The following NUDT21 variants were observed in gnomAD, a reference collection of about 807,000 sequenced individuals.
NUDT21 encodes nudix hydrolase 21.
In NUDT21, 5 loss-of-function variants were observed where a neutral mutation model predicts 29.8. The observed-to-expected ratio is 0.17, with a 90% CI of 0.09 to 0.35. The LOEUF (loss-of-function observed/expected upper bound fraction) is 0.35. NUDT21 is among the 10% of genes least tolerant of loss of function. The pLI is 1.00. For missense variants in NUDT21, 76 were observed against 276.0 expected, an observed-to-expected ratio of 0.28 and a Z score of 5.13; for synonymous variants, 113 against 98.5, an observed-to-expected ratio of 1.15 and a Z score of -0.87.
intron 3 of NUDT21, among the ~76,000 whole-genome samples, chr16:56,441,033 C>T (rs1303646005): frequency 1.3e-5 from 2 of 152,092 alleles, no homozygotes; most frequent in Admixed American, 1.3e-4. Flanking sequence ...AGCCACTGCA[C>T]CGGGCCTCAA....
chr16:56,450,582 A>G (rs1962284392), intron 1 of NUDT21, among the ~76,000 whole-genome samples: 1 of 152,196 alleles, frequency 6.6e-6, no homozygotes, highest in Non-Finnish European at 1.5e-5. Flanking sequence ...GTATTCAAAA[A>G]CTGAAGTATT....
chr16:56,448,462 A>G (rs1384212054), intron 1 of NUDT21, among the ~76,000 whole-genome samples: 3 of 152,092 alleles, frequency 2.0e-5, no homozygotes, highest in Non-Finnish European at 4.4e-5. Context: ...GTTATTTTCT[A>G]TTTCTCTCAG....
At chr16:56,436,422 C>T (rs1262223264) in intron 4 of NUDT21, among the ~76,000 whole-genome samples, 1 of 152,154 alleles carries the variant, frequency 6.6e-6, no homozygotes, top group African/African-American at 2.4e-5. Context: ...TATGTTATTT[C>T]CCACTGTGTT....
At chr16:56,433,388 A>G (rs1962058769) in intron 6 of NUDT21, among the ~76,000 whole-genome samples, 1 of 152,226 alleles carries the variant, frequency 6.6e-6, no homozygotes. Context: ...AGTTTGTTCA[A>G]GGTCACACTG....
intron 3 of NUDT21, among the ~76,000 whole-genome samples, chr16:56,444,312 A>G (rs1266445129): frequency 1.3e-5 from 2 of 152,042 alleles, no homozygotes; most frequent in Non-Finnish European, 2.9e-5. Context: ...CTAGACTGAC[A>G]GTGGCTCACA....
intron 4 of NUDT21, among the ~76,000 whole-genome samples, chr16:56,435,997 G>A (rs1962100227): frequency 6.9e-6 from 1 of 145,522 alleles, no homozygotes; most frequent in African/African-American, 2.5e-5. Flanking sequence ...ATTACTCGAG[G>A]AAACAAATAT....
intron 4 of NUDT21, among the ~76,000 whole-genome samples, chr16:56,436,867 G>C (rs1358886631): frequency 6.6e-6 from 1 of 151,980 alleles, no homozygotes; most frequent in Non-Finnish European, 1.5e-5. Context: ...ATACCACCAG[G>C]GCCAACTCTA....
At chr16:56,436,810 A>G (rs1388411358) in intron 4 of NUDT21, among the ~76,000 whole-genome samples, 1 of 151,832 alleles carries the variant, frequency 6.6e-6, no homozygotes, top group Non-Finnish European at 1.5e-5. Context: ...ACATCTAACT[A>G]ATACTCTAGG....
chr16:56,435,534 G>A (rs1444037578), intron 4 of NUDT21, among the ~76,000 whole-genome samples: 2 of 150,386 alleles, frequency 1.3e-5, no homozygotes, highest in African/African-American at 4.9e-5. Flanking sequence ...AGACCATCCT[G>A]GCTAGCACAG....
chr16:56,440,534 A>G (rs1962147609), intron 3 of NUDT21, among the ~76,000 whole-genome samples: 1 of 152,006 alleles, frequency 6.6e-6, no homozygotes, highest in Admixed American at 6.6e-5. Flanking sequence ...GATGATCTTG[A>G]TAGCTTTGAG....
At chr16:56,439,374 T>C (rs923667986) in intron 4 of NUDT21, 18 of 311,780 alleles carry the variant, frequency 5.8e-5, no homozygotes, top group Non-Finnish European at 2.4e-5. Flanking sequence ...GCTTTCACCA[T>C]GTTGGCCAGG....
intron 3 of NUDT21, among the ~76,000 whole-genome samples, chr16:56,446,118 A>G (rs1382413564): frequency 1.3e-5 from 2 of 152,212 alleles, no homozygotes; most frequent in Non-Finnish European, 2.9e-5. Context: ...CTTTACATGC[A>G]GGCATTACAA....
intron 3 of NUDT21, among the ~76,000 whole-genome samples, chr16:56,441,597 A>G (rs1962160020): frequency 6.6e-6 from 1 of 152,260 alleles, no homozygotes; most frequent in Admixed American, 6.5e-5. Flanking sequence ...ATGAGAATTT[A>G]GATATTAAAA....
At chr16:56,446,737 G>T (rs766155978) in intron 2 of NUDT21, 48 bp from the exon 3 acceptor site, 3 of 1,147,550 alleles carry the variant, frequency 2.6e-6, no homozygotes, top group Non-Finnish European at 1.3e-6. Flanking sequence ...ACAATTTGGA[G>T]ATAACAAATA....
chr16:56,437,918 C>T (rs1161465056), intron 4 of NUDT21, among the ~76,000 whole-genome samples: 1 of 152,090 alleles, frequency 6.6e-6, no homozygotes, highest in African/African-American at 2.4e-5. Flanking sequence ...AAACCACACA[C>T]TTCAGTAATA....
intron 6 of NUDT21, 75 bp from the exon 7 acceptor site, chr16:56,432,808 C>CTAATA: frequency 1.8e-6 from 2 of 1,083,326 alleles, no homozygotes; most frequent in Non-Finnish European, 2.7e-6. Context: ...ATAAATTTAT[C>CTAATA]TGGATGTTTC....
Position 56,432,504 on chromosome 16 carries a change from C to A in NUDT21, c.*208G>T, listed in dbSNP as rs1035956460. 4.8e-6 allele frequency: 2 copies of A among 412,536 alleles called. No individual in the cohort carries two copies. Among genetic ancestry groups the A allele is most frequent in the African/African-American group, 4.1e-5 (2 of 48,530 alleles). 25.6% of individuals were successfully genotyped at this position (412,536 alleles called of 1,614,324 possible). A position where few individuals can be genotyped will look rare whatever the true frequency, so the allele number is the denominator to read the frequency against. On this transcript the variant is annotated 3_prime_UTR_variant, in exon 7 of 7. Transcript: ENST00000300291. ...TTGTACAAAAAAGTATGAGCAGAAC[C>A]GAAAGTAAATAAACATTATCACATT...
Position 56,448,876 on chromosome 16 carries a change from A to G in NUDT21, c.117-887T>C, listed in dbSNP as rs193002821. 2.9e-4 allele frequency among the ~76,000 whole-genome samples: 44 copies of G among 152,350 alleles called. No homozygotes were observed. In the East Asian group the frequency reaches 8.1e-3, roughly 28 times the overall value. On this transcript the variant is annotated intron_variant, in intron 1 of 6. Transcript: ENST00000300291. ...CCAAAAGCCCTTGACATTAATAGTC[A>G]ACATTATTGTATCTACCCCACTCAG...
chr16:56,431,496 A>G lies in NUDT21; in HGVS notation c.*1216T>C. 6.6e-6 allele frequency: 1 copy of G among 152,204 alleles called. No homozygotes were observed. Among genetic ancestry groups the G allele is most frequent in the African/African-American group, 2.4e-5 (1 of 41,452 alleles). 9.4% of individuals were successfully genotyped at this position (152,204 alleles called of 1,614,324 possible). ...TTTGACATCACCCAATATTCAGGAA[A>G]ATAGCCCTGTGACTGGCACCATACT... On this transcript the variant is annotated 3_prime_UTR_variant, in exon 7 of 7. Transcript: ENST00000300291.
Sources: gnomAD v4.1 joint callset for allele counts (sites outside exome capture counted in the v4.1 genomes callset) on GRCh38, gnomAD v4.1.1 for gene constraint, MANE v1.5 for transcripts, NCBI Gene and HGNC (gene_info 2026-07-23, HGNC 2026-07-21) for gene names.